The following PDSS2 variants were observed in gnomAD, a reference collection of about 807,000 sequenced individuals.
The protein encoded by PDSS2 is decaprenyl diphosphate synthase subunit 2, also known as all trans-polyprenyl-diphosphate synthase PDSS2.
PDSS2 carries 31 observed loss-of-function variants against 44.5 expected under a neutral mutation model. The ratio of observed to expected loss-of-function variants is 0.70; its 90% confidence interval spans 0.52 to 0.94. The LOEUF is 0.94. PDSS2 is among the 40% of genes least tolerant of loss of function. PDSS2 has a pLI of 0.00. For synonymous variants in PDSS2, 157 were observed against 180.3 expected, an observed-to-expected ratio of 0.87 and a Z score of 1.03; for missense variants, 452 against 482.2, an observed-to-expected ratio of 0.94 and a Z score of 0.59.
At chr6:107,360,316 G>T (rs972428896) in intron 1 of PDSS2, among the ~76,000 whole-genome samples, 4 of 152,192 alleles carry the variant, frequency 2.6e-5, no homozygotes, top group Non-Finnish European at 4.4e-5. Context: ...CACACCTGCT[G>T]AAGTATAAAC....
chr6:107,270,812 T>G (rs980985293), intron 3 of PDSS2, among the ~76,000 whole-genome samples: 3 of 152,178 alleles, frequency 2.0e-5, no homozygotes, highest in African/African-American at 7.2e-5. Flanking sequence ...TCCAAAAACT[T>G]TACCTTAATC....
chr6:107,283,183 G>A (rs1471743353), intron 2 of PDSS2, among the ~76,000 whole-genome samples: 2 of 151,630 alleles, frequency 1.3e-5, no homozygotes, highest in Non-Finnish European at 2.9e-5. Context: ...AAATTAGCCA[G>A]GTATGGTGGT....
intron 1 of PDSS2, among the ~76,000 whole-genome samples, chr6:107,421,149 C>T (rs1583063126): frequency 6.6e-6 from 1 of 152,274 alleles, no homozygotes; most frequent in East Asian, 1.9e-4. Context: ...TATTACTACA[C>T]ATCTATTAGA....
intron 1 of PDSS2, among the ~76,000 whole-genome samples, chr6:107,404,359 C>G (rs1780239950): frequency 6.6e-6 from 1 of 152,226 alleles, no homozygotes; most frequent in Admixed American, 6.5e-5. Flanking sequence ...CAGTCTCTGC[C>G]TGTTACCCAG....
intron 2 of PDSS2, among the ~76,000 whole-genome samples, chr6:107,324,189 T>G (rs1054216926): frequency 1.3e-5 from 2 of 152,206 alleles, no homozygotes; most frequent in Non-Finnish European, 2.9e-5. Context: ...AATGAATTAG[T>G]AATATTACTA....
intron 1 of PDSS2, among the ~76,000 whole-genome samples, chr6:107,458,412 CAAA>C (rs60758453): frequency 6.4e-5 from 5 of 78,152 alleles, no homozygotes; most frequent in Admixed American, 1.3e-4. Context: ...GACTCCGTCT[CAAA>C]AAAAAAAAAA....
chr6:107,391,791 T>C lies in PDSS2; in HGVS notation c.297-57459A>G, dbSNP rs1283013875. 6.6e-5 allele frequency among the ~76,000 whole-genome samples: 10 copies of C among 152,232 alleles called. No homozygotes were observed. The East Asian group carries it at 1.9e-3, about 29-fold the overall frequency. ...ATGTATTAAATAAATATTTACTTTA[T>C]GTTTCTTATGCGCCAGCACTTTTTG... is the stretch of plus-strand genomic sequence containing the variant. On this transcript the variant is annotated intron_variant, in intron 1 of 7. Transcript: ENST00000369037.
At chr6:107,456,939 A>G (rs868566660) in intron 1 of PDSS2, among the ~76,000 whole-genome samples, 2 of 152,226 alleles carry the variant, frequency 1.3e-5, no homozygotes, top group South Asian at 4.1e-4. Flanking sequence ...CAGGACTGGT[A>G]AAGTTACAAT....
intron 1 of PDSS2, among the ~76,000 whole-genome samples, chr6:107,373,991 C>T (rs968942899): frequency 2.6e-5 from 4 of 152,142 alleles, no homozygotes; most frequent in Non-Finnish European, 2.9e-5. Context: ...GTGGTGCTCA[C>T]GCCTGTAATC....
At chr6:107,245,685 G>T in intron 3 of PDSS2, 66 bp from the exon 4 acceptor site, 2 of 1,032,196 alleles carry the variant, frequency 1.9e-6, no homozygotes, top group Non-Finnish European at 1.4e-6. Flanking sequence ...ACCTCAGAAT[G>T]TTTCAGAAGG....
intron 1 of PDSS2, among the ~76,000 whole-genome samples, chr6:107,444,916 CAT>C (rs1383085986): frequency 1.3e-5 from 2 of 152,094 alleles, no homozygotes; most frequent in Non-Finnish European, 2.9e-5. Flanking sequence ...AAATCAAGAG[CAT>C]AGTTTTTTGA....
At chr6:107,334,722 A>AC (rs1315473560) in intron 1 of PDSS2, among the ~76,000 whole-genome samples, 82 of 151,612 alleles carry the variant, frequency 5.4e-4, no homozygotes, top group African/African-American at 1.9e-3. Context: ...AAAAAAAAAA[A>AC]AAAAACGTAG....
chr6:107,185,623 G>A (rs1167675227), intron 7 of PDSS2, among the ~76,000 whole-genome samples: 1 of 152,148 alleles, frequency 6.6e-6, no homozygotes, highest in Non-Finnish European at 1.5e-5. Context: ...ATACACAGAC[G>A]TTTGTCGATG....
At chr6:107,276,256 C>T (rs892838908) in intron 2 of PDSS2, among the ~76,000 whole-genome samples, 7 of 150,734 alleles carry the variant, frequency 4.6e-5, no homozygotes, top group African/African-American at 1.7e-4. Context: ...CTCCAAGATA[C>T]AGTAGGTGGC....
At chr6:107,388,002 T>G (rs1010442804) in intron 1 of PDSS2, among the ~76,000 whole-genome samples, 3 of 152,210 alleles carry the variant, frequency 2.0e-5, no homozygotes, top group South Asian at 4.1e-4. Context: ...ATTATTTTAG[T>G]ATAATTATCT....
At position 107,210,439 on chromosome 6, in the gene PDSS2, C is replaced by A; in HGVS notation, c.1008G>T (p.Glu336Asp). The stretch of plus-strand genomic sequence containing the variant: ...TAAAACAGGAGTAATTTCATTTTAC[C>A]TCTCCGATCTGTTTAATCCACAAAT... ...GRDLWIKQIG[E>D]AQEKGRLDYA... Residue 336 changes from glutamate to aspartate, a missense_variant and splice_region_variant, in exon 6 of 8, where the codon GAG (glutamate) becomes GAT (aspartate). Physicochemically the swap from Glu to Asp is conservative, Grantham distance 45. Coordinates refer to ENST00000369037, the MANE Select transcript of PDSS2 (RefSeq NM_020381.4). The A allele has an allele frequency of 1.2e-6, 2 of 1,605,156 alleles. No individual in the cohort carries two copies. The highest frequency in any genetic ancestry group is 1.7e-5 in the Admixed American group (1 of 59,968).
At chr6:107,336,964 T>A (rs1329655878) in intron 1 of PDSS2, among the ~76,000 whole-genome samples, 1 of 142,132 alleles carries the variant, frequency 7.0e-6, no homozygotes, top group African/African-American at 2.6e-5. Flanking sequence ...TCTGACCAAA[T>A]CACACAGATT....
In PDSS2 at chr6:107,459,509, A is replaced by C. The variant is rs1583117056; in HGVS notation, c.-224T>G. 1 of 576,906 alleles carries C rather than the reference A, an allele frequency of 1.7e-6. No homozygotes were observed. Among genetic ancestry groups the C allele is most frequent in the Non-Finnish European group, 3.1e-6 (1 of 324,192 alleles). 35.7% of individuals were successfully genotyped at this position (576,906 alleles called of 1,614,324 possible). Reference sequence around the variant, plus strand: ...TCCCAGCTCAGCACTGCCCCCGGCCACCCGGGGTAGAAACCACAGCCACTG... The same window carrying C: ...TCCCAGCTCAGCACTGCCCCCGGCCCCCCGGGGTAGAAACCACAGCCACTG... On this transcript the variant is annotated 5_prime_UTR_variant, in exon 1 of 8. Coordinates refer to ENST00000369037, the MANE Select transcript of PDSS2 (RefSeq NM_020381.4). The surrounding 1 kb of genome is among the most constrained non-coding windows in gnomAD (Gnocchi z 4.3).
intron 1 of PDSS2, among the ~76,000 whole-genome samples, chr6:107,393,217 T>C (rs1324819549): frequency 1.3e-5 from 2 of 152,156 alleles, no homozygotes; most frequent in Non-Finnish European, 2.9e-5. Context: ...TTCATCTTCA[T>C]TCACAATATT....
Sources: gnomAD v4.1 joint callset for allele counts (sites outside exome capture counted in the v4.1 genomes callset) on GRCh38, gnomAD v4.1.1 for gene constraint, Gnocchi (gnomAD v3.1) non-coding constraint, MANE v1.5 for transcripts, NCBI Gene and HGNC (gene_info 2026-07-23, HGNC 2026-07-21) for gene names.